CCR7: variants seen among roughly 807,000 people sequenced by gnomAD.
The protein encoded by CCR7 is C-C chemokine receptor type 7.
A neutral mutation model predicts 26.0 loss-of-function variants in CCR7; 11 were observed. The observed-to-expected ratio is 0.42, with a 90% CI of 0.27 to 0.70. The LOEUF (loss-of-function observed/expected upper bound fraction) is 0.70. CCR7 is among the 30% of genes least tolerant of loss of function. The pLI is 0.23. For missense variants in CCR7, 360 were observed against 504.0 expected (o/e 0.71, Z 2.74); for synonymous variants, 189 against 202.1 (o/e 0.94, Z 0.55).
intron 1 of CCR7, 49 bp downstream of exon 1, chr17:40,565,351 T>G: frequency 6.5e-7 from 1 of 1,537,772 alleles, no homozygotes; most frequent in East Asian, 2.2e-5. Flanking sequence ...TCAGTCTGGG[T>G]GTCCAAGACC....
intron 1 of CCR7, among the ~76,000 whole-genome samples, chr17:40,559,752 T>C (rs2036633914): frequency 6.6e-6 from 1 of 152,176 alleles, no homozygotes; most frequent in African/African-American, 2.4e-5. Context: ...ATATGAATGA[T>C]AAATACATGA....
chr17:40,555,833 A>T lies in CCR7; in HGVS notation c.61-15T>A. On this transcript the variant is annotated splice_polypyrimidine_tract_variant and intron_variant, in intron 2 of 2. Transcript: ENST00000246657. The surrounding 1 kb of genome is among the most constrained non-coding windows in gnomAD (Gnocchi z 5.6). ...CACAGGCATACCTTCGGGGAAGGAA[A>T]TGAGGGAAAACAGGCCAGTTTAGCT... 6 of 1,593,848 alleles carry T rather than the reference A, an allele frequency of 3.8e-6. No homozygotes were observed. Among genetic ancestry groups the T allele is most frequent in the Non-Finnish European group, 5.2e-6 (6 of 1,163,752 alleles).
intron 1 of CCR7, among the ~76,000 whole-genome samples, chr17:40,565,063 T>G (rs982334147): frequency 6.6e-6 from 1 of 151,772 alleles, no homozygotes; most frequent in African/African-American, 2.4e-5. Flanking sequence ...CCTATCACCC[T>G]CATGATGAGA....
rs930070017 is a variant in CCR7 at position 40,556,188 on chromosome 17, G to A, written c.61-370C>T. Among the ~76,000 whole-genome samples the A allele has an allele frequency of 3.2e-4, 48 of 152,112 alleles. 3 individuals are homozygous for A. The highest frequency in any genetic ancestry group is 1.5e-5 in the Non-Finnish European group (1 of 68,032). ...CATAGCATCACCTGGGAACTTGTTA[G>A]GAATGCAAATTCTCAGGCCCCACCT... is the stretch of plus-strand genomic sequence containing the variant. On this transcript the variant is annotated intron_variant, in intron 2 of 2. Coordinates refer to ENST00000246657, the MANE Select transcript of CCR7 (RefSeq NM_001838.4).
intron 1 of CCR7, among the ~76,000 whole-genome samples, chr17:40,560,182 A>G (rs571797921): frequency 3.8e-4 from 58 of 152,332 alleles, no homozygotes; most frequent in African/African-American, 1.4e-3. Flanking sequence ...AGGACAGTTG[A>G]CAGAGTAATT....
intron 1 of CCR7, among the ~76,000 whole-genome samples, chr17:40,559,450 C>T (rs538297334): frequency 6.6e-6 from 1 of 152,236 alleles, no homozygotes; most frequent in Non-Finnish European, 1.5e-5. Context: ...CGCAGCCACA[C>T]GTGCATGAAG....
chr17:40,559,878 G>A (rs2036635369), intron 1 of CCR7, among the ~76,000 whole-genome samples: 1 of 152,140 alleles, frequency 6.6e-6, no homozygotes, highest in African/African-American at 2.4e-5. Flanking sequence ...TGCAGTGTGG[G>A]GGAAGGACGC....
chr17:40,565,307 C>T, intron 1 of CCR7, 93 bp downstream of exon 1: 3 of 1,123,700 alleles, frequency 2.7e-6, no homozygotes, highest in Non-Finnish European at 2.7e-6. Flanking sequence ...CCCCTATGCG[C>T]TCCACCCGCA....
At chr17:40,558,870 C>T in intron 2 of CCR7, 23 bp downstream of exon 2, 1 of 1,610,674 alleles carries the variant, frequency 6.2e-7, no homozygotes, top group East Asian at 2.2e-5. Flanking sequence ...GGGAACAGAG[C>T]TTTCCTTGGC....
At chr17:40,557,149 G>C (rs936472216) in intron 2 of CCR7, among the ~76,000 whole-genome samples, 3 of 152,176 alleles carry the variant, frequency 2.0e-5, no homozygotes, top group Non-Finnish European at 4.4e-5. Flanking sequence ...CAATCAGCAG[G>C]ACTCAGCTGC....
At chr17:40,560,018 G>A (rs2036637026) in intron 1 of CCR7, among the ~76,000 whole-genome samples, 1 of 152,140 alleles carries the variant, frequency 6.6e-6, no homozygotes, top group African/African-American at 2.4e-5. Flanking sequence ...GTCAGCTTTG[G>A]GAAGCGACGT....
rs1326332165 is a variant in CCR7, at chr17:40,555,810, C to A, written c.69G>T (p.Leu23=). ...VALLVIFQVC[L]CQDEVTDDYI... is the part of the protein sequence containing the mutation. ...AATCGTCCGTGACCTCATCTTGACA[C>A]AGGCATACCTTCGGGGAAGGAAATG... The change falls in exon 3 of 3, where the codon CTG becomes CTT. Residue 23 remains leucine, a synonymous_variant. Coordinates refer to ENST00000246657, the MANE Select transcript of CCR7 (RefSeq NM_001838.4). The surrounding 1 kb of genome is among the most constrained non-coding windows in gnomAD (Gnocchi z 5.6). 1 of 1,610,978 alleles carries A rather than the reference C, an allele frequency of 6.2e-7. No individual in the cohort carries two copies. Among genetic ancestry groups the A allele is most frequent in the East Asian group, 2.2e-5 (1 of 44,842 alleles).
At chr17:40,559,433 G>T (rs2036629657) in intron 1 of CCR7, among the ~76,000 whole-genome samples, 1 of 152,258 alleles carries the variant, frequency 6.6e-6, no homozygotes, top group East Asian at 1.9e-4. Flanking sequence ...TGGCATCCAG[G>T]TGAGTGCGCA....
In CCR7 at chr17:40,554,783, T is replaced by C. The variant is rs915570645; in HGVS notation, c.1096A>G (p.Met366Val). 8 of 1,613,592 alleles carry C rather than the reference T, an allele frequency of 5.0e-6. No individual in the cohort carries two copies. The highest frequency in any genetic ancestry group is 1.3e-5 in the African/African-American group (1 of 74,866). The stretch of plus-strand genomic sequence containing the variant: ...GTGGTGGTCTCGGCCTCCACACTCA[T>C]GGAGGAGCGCCGGATGTGCCGACAG... ...SSCRHIRRSS[M>V]SVEAETTTTF... The change falls in exon 3 of 3, where the codon ATG becomes GTG. Residue 366 changes from methionine to valine, a missense_variant. Transcript: ENST00000246657.
At position 40,558,885 on chromosome 17, in the gene CCR7, A is replaced by T; in HGVS notation, c.60+8T>A. On this transcript the variant is annotated splice_region_variant and intron_variant, in intron 2 of 2. Coordinates refer to ENST00000246657, the MANE Select transcript of CCR7 (RefSeq NM_001838.4). ...GGGAACAGAGCTTTCCTTGGCAGAG[A>T]ACCTCACCTGGAAAATGACAAGGAG... is the stretch of plus-strand genomic sequence containing the variant. The T allele has an allele frequency of 6.2e-7, 1 of 1,613,238 alleles. No individual in the cohort carries two copies. The highest frequency in any genetic ancestry group is 8.5e-7 in the Non-Finnish European group (1 of 1,179,300).
In CCR7 at chr17:40,558,958, C is replaced by T. The variant is rs1183888660; in HGVS notation, c.11-16G>A. The T allele has an allele frequency of 3.1e-5, 50 of 1,601,914 alleles. No individual in the cohort carries two copies. Among genetic ancestry groups the T allele is most frequent in the Non-Finnish European group, 4.1e-5 (48 of 1,174,626 alleles). ...ATTGGTTTCCCTGTAGGAGACAAGG[C>T]GAGAAAGTTATTGCTTGGCAGGGAC... On this transcript the variant is annotated splice_polypyrimidine_tract_variant and intron_variant, in intron 1 of 2. Coordinates refer to ENST00000246657, the MANE Select transcript of CCR7 (RefSeq NM_001838.4).
At chr17:40,561,672 A>AT (rs1182464842) in intron 1 of CCR7, among the ~76,000 whole-genome samples, 1 of 151,986 alleles carries the variant, frequency 6.6e-6, no homozygotes, top group African/African-American at 2.4e-5. Context: ...CCATCCCCAC[A>AT]TTTTTCCAGG....
In CCR7 at chr17:40,562,259, G is replaced by A. The variant is rs75206693; in HGVS notation, c.10+3141C>T. 4.3e-3 allele frequency among the ~76,000 whole-genome samples: 657 copies of A among 152,266 alleles called. 5 individuals are homozygous for A. Among genetic ancestry groups the A allele is most frequent in the African/African-American group, 0.015 (627 of 41,532 alleles). ...TCCTCATCTTAGATTCCAGAAAATA[G>A]AGGCCCAGAGAGATTAAGCCAAATG... On this transcript the variant is annotated intron_variant, in intron 1 of 2. Transcript: ENST00000246657.
chr17:40,559,369 C>T (rs1177345874), intron 1 of CCR7, among the ~76,000 whole-genome samples: 1 of 152,234 alleles, frequency 6.6e-6, no homozygotes, highest in Non-Finnish European at 1.5e-5. Context: ...GGTAGGTGCA[C>T]ACGTTTCCAG....
Sources: gnomAD v4.1 joint callset for allele counts (sites outside exome capture counted in the v4.1 genomes callset) on GRCh38, gnomAD v4.1.1 for gene constraint, Gnocchi (gnomAD v3.1) non-coding constraint, MANE v1.5 for transcripts, NCBI Gene and HGNC (gene_info 2026-07-23, HGNC 2026-07-21) for gene names.